The following C8orf34 variants were observed in gnomAD, a reference collection of about 807,000 sequenced individuals.
C8orf34 encodes chromosome 8 open reading frame 34, also known as uncharacterized protein C8orf34.
In C8orf34, 65 loss-of-function variants were observed where a neutral mutation model predicts 68.3. That is an observed-to-expected ratio of 0.95 (90% confidence interval 0.78 to 1.17). The LOEUF (loss-of-function observed/expected upper bound fraction) is 1.17. Among genes scored for constraint, C8orf34 ranks in the 50% most tolerant of loss-of-function variants. The pLI is 0.00. For synonymous variants in C8orf34, 244 were observed against 241.2 expected (o/e 1.01, Z -0.11); for missense variants, 664 against 655.4 (o/e 1.01, Z -0.14).
chr8:68,484,748 A>G lies in C8orf34; in HGVS notation c.737-3275A>G, dbSNP rs375714847. ...TCATGCCTCTGTGAAGCGTTTCATTAAAATTCTTTCATCTGCTTTTAATCT... is the reference window on the plus strand; with the variant it reads ...TCATGCCTCTGTGAAGCGTTTCATTGAAATTCTTTCATCTGCTTTTAATCT... On this transcript the variant is annotated intron_variant, in intron 4 of 13. Transcript: ENST00000518698. Among the ~76,000 whole-genome samples, 3 of 152,220 alleles carry G rather than the reference A, an allele frequency of 2.0e-5. No individual in the cohort carries two copies. In the East Asian group the frequency reaches 5.8e-4, roughly 29 times the overall value.
chr8:68,568,932 A>T (rs1816683365), intron 7 of C8orf34, among the ~76,000 whole-genome samples: 1 of 152,220 alleles, frequency 6.6e-6, no homozygotes, highest in South Asian at 2.1e-4. Context: ...AGTCACAGAT[A>T]ATAAGGAAAC....
chr8:68,814,962 C>T lies in C8orf34; in HGVS notation c.1550-924C>T, dbSNP rs114735045. Reference sequence around the variant, plus strand: ...ATCTTAAATGTGCTGTTGTATATTTCGATGCTTCAAAAATCAGATATAGTA... The same window carrying T: ...ATCTTAAATGTGCTGTTGTATATTTTGATGCTTCAAAAATCAGATATAGTA... On this transcript the variant is annotated intron_variant, in intron 12 of 13. Transcript: ENST00000518698. Among the ~76,000 whole-genome samples, 1,228 of 152,190 alleles carry T rather than the reference C, an allele frequency of 8.1e-3. 24 individuals are homozygous for T. Among genetic ancestry groups the T allele is most frequent in the African/African-American group, 0.028 (1,167 of 41,510 alleles).
Position 68,517,220 on chromosome 8 carries a change from A to G in C8orf34, c.766-4579A>G, listed in dbSNP as rs572394983. On this transcript the variant is annotated intron_variant, in intron 5 of 13. Transcript: ENST00000518698. ...CTGCTGTCTTCACTAAAACCCTTTCATAAAGATCTATGGAAGGATGTTTAC... is the reference window on the plus strand; with the variant it reads ...CTGCTGTCTTCACTAAAACCCTTTCGTAAAGATCTATGGAAGGATGTTTAC... Among the ~76,000 whole-genome samples the G allele has an allele frequency of 5.3e-5, 8 of 152,322 alleles. No homozygotes were observed. In the South Asian group the frequency reaches 8.3e-4, roughly 16 times the overall value.
At chr8:68,740,413 C>A (rs116434964) in intron 10 of C8orf34, among the ~76,000 whole-genome samples, 1,928 of 151,244 alleles carry the variant, frequency 0.013, 38 homozygotes, top group African/African-American at 0.045. Flanking sequence ...AGAAAAAAAA[C>A]CATTATAAAG....
intron 9 of C8orf34, among the ~76,000 whole-genome samples, chr8:68,718,748 G>A (rs1821547591): frequency 6.6e-6 from 1 of 152,140 alleles, no homozygotes; most frequent in South Asian, 2.1e-4. Flanking sequence ...AAAGTTGGAT[G>A]TAGCTAAGCA....
At chr8:68,489,865 T>A (rs1019980274) in intron 5 of C8orf34, among the ~76,000 whole-genome samples, 10 of 152,250 alleles carry the variant, frequency 6.6e-5, no homozygotes, top group African/African-American at 2.4e-4. Flanking sequence ...CAGAAGAATG[T>A]ATTTCTGACT....
At chr8:68,362,002 G>C (rs1807022248) in intron 1 of C8orf34, among the ~76,000 whole-genome samples, 1 of 152,242 alleles carries the variant, frequency 6.6e-6, no homozygotes, top group Non-Finnish European at 1.5e-5. Context: ...TTAGGTGTAA[G>C]CCAAACTGAT....
chr8:68,575,120 C>T (rs1033871343), intron 7 of C8orf34, among the ~76,000 whole-genome samples: 5 of 151,824 alleles, frequency 3.3e-5, no homozygotes, highest in Admixed American at 6.6e-5. Flanking sequence ...GGAAGAAATA[C>T]AAACCATTAA....
At chr8:68,624,810 A>G (rs941433911) in intron 7 of C8orf34, among the ~76,000 whole-genome samples, 2 of 152,102 alleles carry the variant, frequency 1.3e-5, no homozygotes, top group Non-Finnish European at 2.9e-5. Context: ...ATCACAGCTC[A>G]CTGCAGCCTC....
At chr8:68,811,369 C>T (rs924077071) in intron 12 of C8orf34, among the ~76,000 whole-genome samples, 1 of 152,242 alleles carries the variant, frequency 6.6e-6, no homozygotes, top group South Asian at 2.1e-4. Context: ...TCCTGGGCCC[C>T]CAAGAGCACA....
rs76919991 is a variant in C8orf34, at chr8:68,334,874, A to G, written c.327+3535A>G. Among the ~76,000 whole-genome samples the G allele has an allele frequency of 7.5e-4, 114 of 152,328 alleles. 3 individuals are homozygous for G. In the East Asian group the frequency reaches 0.014, roughly 19 times the overall value. ...TATGATCAAAGCCTGCATCACTTAT[A>G]TATTTTGCTGTTGCCCAGCTTGCTC... On this transcript the variant is annotated intron_variant, in intron 1 of 13. Transcript: ENST00000518698.
chr8:68,488,978 A>G (rs1182536860), intron 5 of C8orf34, among the ~76,000 whole-genome samples: 1 of 134,896 alleles, frequency 7.4e-6, no homozygotes, highest in Non-Finnish European at 1.6e-5. Flanking sequence ...TAAACTGATA[A>G]CGAATTTACG....
intron 1 of C8orf34, among the ~76,000 whole-genome samples, chr8:68,427,099 A>G (rs972202240): frequency 3.9e-5 from 6 of 152,184 alleles, no homozygotes; most frequent in African/African-American, 1.4e-4. Context: ...TGAATGTAAA[A>G]TTGCATAGTG....
At chr8:68,630,339 A>T (rs1472156992) in intron 7 of C8orf34, among the ~76,000 whole-genome samples, 1 of 152,082 alleles carries the variant, frequency 6.6e-6, no homozygotes, top group Non-Finnish European at 1.5e-5. Flanking sequence ...CAAATTAGAT[A>T]TTTTGCATTA....
chr8:68,602,998 A>C (rs1817743338), intron 7 of C8orf34, among the ~76,000 whole-genome samples: 1 of 152,102 alleles, frequency 6.6e-6, no homozygotes, highest in Admixed American at 6.5e-5. Flanking sequence ...GCAACACCCT[A>C]TTCAGCATGT....
At chr8:68,675,150 C>A (rs1820143251) in intron 8 of C8orf34, among the ~76,000 whole-genome samples, 1 of 152,040 alleles carries the variant, frequency 6.6e-6, no homozygotes, top group African/African-American at 2.4e-5. Flanking sequence ...ACAAGAAATG[C>A]TACAGAGAGT....
At chr8:68,711,500 A>G (rs1428376756) in intron 9 of C8orf34, among the ~76,000 whole-genome samples, 4 of 152,130 alleles carry the variant, frequency 2.6e-5, no homozygotes, top group Non-Finnish European at 4.4e-5. Flanking sequence ...AATCTAGGAC[A>G]CACTTAGAGA....
At chr8:68,479,590 A>G (rs528835716) in intron 4 of C8orf34, among the ~76,000 whole-genome samples, 3 of 152,330 alleles carry the variant, frequency 2.0e-5, no homozygotes, top group Non-Finnish European at 4.4e-5. Context: ...GATGGAGCCA[A>G]AAAAACAAAT....
chr8:68,735,257 C>T (rs574697647), intron 10 of C8orf34, among the ~76,000 whole-genome samples: 1 of 152,242 alleles, frequency 6.6e-6, no homozygotes, highest in African/African-American at 2.4e-5. Context: ...TGGTATCTGT[C>T]TTATACACAA....
Sources: gnomAD v4.1 joint callset for allele counts (sites outside exome capture counted in the v4.1 genomes callset) on GRCh38, gnomAD v4.1.1 for gene constraint, MANE v1.5 for transcripts, NCBI Gene and HGNC (gene_info 2026-07-23, HGNC 2026-07-21) for gene names.